GBE1: variants seen among roughly 807,000 people sequenced by gnomAD.
GBE1 encodes the protein 1,4-alpha-glucan branching enzyme 1, also known as 1,4-alpha-glucan-branching enzyme.
Under a neutral mutation model 88.8 loss-of-function variants are expected in GBE1, and 70 were observed. The ratio of observed to expected loss-of-function variants is 0.79; its 90% CI spans 0.65 to 0.96. GBE1 has a LOEUF of 0.96. GBE1 is among the 40% of genes least tolerant of loss of function. The probability of loss-of-function intolerance (pLI) is 0.00; values close to 1 mark genes in which losing one functional copy is unlikely to be tolerated. For synonymous variants in GBE1, 284 were observed against 300.1 expected, an observed-to-expected ratio of 0.95 and a Z score of 0.56; for missense variants, 872 against 871.0, an observed-to-expected ratio of 1.00 and a Z score of -0.01.
intron 1 of GBE1, among the ~76,000 whole-genome samples, chr3:81,742,392 C>T (rs1322555913): frequency 6.6e-6 from 1 of 151,976 alleles, no homozygotes; most frequent in Non-Finnish European, 1.5e-5. Context: ...AAATTCTATT[C>T]ATTAAAAAAG....
chr3:81,659,864 CTATT>C (rs1704997992), intron 3 of GBE1, among the ~76,000 whole-genome samples: 1 of 151,914 alleles, frequency 6.6e-6, no homozygotes, highest in East Asian at 1.9e-4. Context: ...TAGTTAATGA[CTATT>C]AAATAAACAG....
At chr3:81,646,113 C>T (rs1704759829) in intron 6 of GBE1, among the ~76,000 whole-genome samples, 1 of 152,106 alleles carries the variant, frequency 6.6e-6, no homozygotes, top group Non-Finnish European at 1.5e-5. Flanking sequence ...AAAAGATTTT[C>T]TGACTAAAAC....
chr3:81,514,811 G>A (rs201624251), intron 14 of GBE1, among the ~76,000 whole-genome samples: 1 of 151,564 alleles, frequency 6.6e-6, no homozygotes, highest in East Asian at 1.9e-4. Flanking sequence ...GAGCTTCACG[G>A]AAAATGTCAG....
At chr3:81,577,418 C>T (rs1412994298) in intron 12 of GBE1, among the ~76,000 whole-genome samples, 1 of 152,012 alleles carries the variant, frequency 6.6e-6, no homozygotes, top group Non-Finnish European at 1.5e-5. Context: ...ACAAAAATGA[C>T]CTTTCAGTAT....
intron 7 of GBE1, among the ~76,000 whole-genome samples, chr3:81,608,713 G>A (rs879838590): frequency 6.6e-6 from 1 of 152,134 alleles, no homozygotes; most frequent in Non-Finnish European, 1.5e-5. Flanking sequence ...GGATAAAAAA[G>A]AGAAAACTAT....
chr3:81,626,628 G>A (rs1025899975), intron 7 of GBE1, among the ~76,000 whole-genome samples: 1 of 151,648 alleles, frequency 6.6e-6, no homozygotes, highest in Non-Finnish European at 1.5e-5. Context: ...CAGCCCCAGT[G>A]CATGAAAAGC....
intron 1 of GBE1, among the ~76,000 whole-genome samples, chr3:81,752,502 G>T (rs1180313663): frequency 1.3e-5 from 2 of 152,108 alleles, no homozygotes; most frequent in Non-Finnish European, 2.9e-5. Flanking sequence ...AGACAGAAAA[G>T]GAAGATCAAG....
chr3:81,723,294 G>A (rs1277983729), intron 1 of GBE1, among the ~76,000 whole-genome samples: 1 of 149,118 alleles, frequency 6.7e-6, no homozygotes, highest in East Asian at 2.0e-4. Context: ...GTAGAGAGGG[G>A]GTTTCACCAT....
intron 2 of GBE1, among the ~76,000 whole-genome samples, chr3:81,690,617 T>A (rs1350263786): frequency 6.6e-6 from 1 of 152,240 alleles, no homozygotes; most frequent in Non-Finnish European, 1.5e-5. Flanking sequence ...TTAGCACTTA[T>A]CCTAACAGAA....
intron 12 of GBE1, among the ~76,000 whole-genome samples, chr3:81,547,291 G>GT (rs1703218245): frequency 6.6e-6 from 1 of 151,434 alleles, no homozygotes. Flanking sequence ...GATTTAGGGG[G>GT]TTAGTGGACC....
intron 2 of GBE1, among the ~76,000 whole-genome samples, chr3:81,699,791 C>T (rs1462240451): frequency 6.6e-6 from 1 of 152,204 alleles, no homozygotes; most frequent in Non-Finnish European, 1.5e-5. Context: ...CTTTTGGCAA[C>T]ACCCACACAG....
At chr3:81,590,947 C>G in intron 9 of GBE1, 90 bp downstream of exon 9, 1 of 1,124,596 alleles carries the variant, frequency 8.9e-7, no homozygotes, top group Non-Finnish European at 1.2e-6. Flanking sequence ...CAATTATTGA[C>G]AACATGAGAT....
chr3:81,553,456 A>G (rs1163348246), intron 12 of GBE1, among the ~76,000 whole-genome samples: 3 of 152,010 alleles, frequency 2.0e-5, no homozygotes, highest in Admixed American at 6.6e-5. Context: ...ATTTTCATCT[A>G]TTATTTCTAC....
At chr3:81,631,348 G>A (rs576633084) in intron 7 of GBE1, among the ~76,000 whole-genome samples, 1 of 150,494 alleles carries the variant, frequency 6.6e-6, no homozygotes, top group Admixed American at 6.6e-5. Flanking sequence ...GACATTGGAG[G>A]GAAACAAAGT....
intron 1 of GBE1, among the ~76,000 whole-genome samples, chr3:81,760,698 C>T (rs569053169): frequency 6.9e-4 from 105 of 152,304 alleles, no homozygotes; most frequent in African/African-American, 2.5e-3. Flanking sequence ...GCTAAAACGA[C>T]ATTGGCCTGT....
intron 14 of GBE1, among the ~76,000 whole-genome samples, chr3:81,528,003 G>A (rs1341795218): frequency 6.6e-6 from 1 of 152,026 alleles, no homozygotes; most frequent in Non-Finnish European, 1.5e-5. Context: ...TTAAGAAAAT[G>A]TGACACATAA....
chr3:81,528,038 T>C (rs1035359337), intron 14 of GBE1, among the ~76,000 whole-genome samples: 1 of 151,908 alleles, frequency 6.6e-6, no homozygotes, highest in Non-Finnish European at 1.5e-5. Context: ...TATGCAGCCA[T>C]AACAAATGAT....
In GBE1 at chr3:81,658,363, T is replaced by C. The variant is rs554343407; in HGVS notation, c.430-8442A>G. ...ATGTATAGAACAAAAAAAAAGACTATTTTTGAGGTATAATACACATAGCTT... is the reference window on the plus strand; with the variant it reads ...ATGTATAGAACAAAAAAAAAGACTACTTTTGAGGTATAATACACATAGCTT... On this transcript the variant is annotated intron_variant, in intron 3 of 15. Transcript: ENST00000429644. Among the ~76,000 whole-genome samples the C allele has an allele frequency of 5.7e-4, 87 of 152,226 alleles. 2 individuals carry two copies. The South Asian group carries it at 0.018, about 31-fold the overall frequency.
intron 7 of GBE1, among the ~76,000 whole-genome samples, chr3:81,597,426 T>A (rs938464805): frequency 6.8e-6 from 1 of 147,324 alleles, no homozygotes; most frequent in African/African-American, 2.5e-5. Context: ...TGATGTCAAA[T>A]ATATATATAT....
Sources: allele counts gnomAD v4.1 joint callset (sites outside exome capture counted in the v4.1 genomes callset), GRCh38; gene constraint gnomAD v4.1.1; transcripts MANE v1.5; gene names NCBI Gene and HGNC (gene_info 2026-07-23, HGNC 2026-07-21).